Variants in C8A observed in about 807,000 individuals in gnomAD.
C8A encodes the protein complement component C8 alpha chain.
Under a neutral mutation model 65.3 loss-of-function variants are expected in C8A, and 67 were observed. The observed-to-expected ratio is 1.03, with a 90% CI of 0.84 to 1.26. The LOEUF is 1.26. C8A is among the 50% of genes most tolerant of loss of function. The pLI is 0.00. For synonymous variants in C8A, 290 were observed against 259.4 expected, an observed-to-expected ratio of 1.12 and a Z score of -1.13; for missense variants, 781 against 723.9, an observed-to-expected ratio of 1.08 and a Z score of -0.90.
At chr1:56,887,669 A>C (rs1286367393) in intron 7 of C8A, among the ~76,000 whole-genome samples, 1 of 152,174 alleles carries the variant, frequency 6.6e-6, no homozygotes, top group African/African-American at 2.4e-5. Flanking sequence ...TTCTACTATA[A>C]AGACAGATGC....
intron 7 of C8A, among the ~76,000 whole-genome samples, chr1:56,892,657 A>T (rs1376035088): frequency 1.3e-5 from 2 of 152,016 alleles, no homozygotes; most frequent in Non-Finnish European, 2.9e-5. Flanking sequence ...AGCCAAGCAG[A>T]CATGCAGAAT....
intron 4 of C8A, among the ~76,000 whole-genome samples, chr1:56,879,449 A>G (rs186395709): frequency 1.3e-5 from 2 of 152,302 alleles, no homozygotes; most frequent in South Asian, 2.1e-4. Context: ...CTTAGAGGTT[A>G]TATTATACTC....
chr1:56,895,001 C>A (rs1644377856), intron 7 of C8A, among the ~76,000 whole-genome samples: 1 of 152,132 alleles, frequency 6.6e-6, no homozygotes, highest in African/African-American at 2.4e-5. Flanking sequence ...ACACATCTGG[C>A]ATTCAAATTG....
At chr1:56,863,370 G>C (rs1644052727) in intron 1 of C8A, among the ~76,000 whole-genome samples, 6 of 152,124 alleles carry the variant, frequency 3.9e-5, no homozygotes, top group Admixed American at 3.3e-4. Context: ...ACTCTGGCCT[G>C]CGTGATAGCA....
chr1:56,856,432 C>A (rs1207153679), intron 1 of C8A, among the ~76,000 whole-genome samples: 1 of 152,218 alleles, frequency 6.6e-6, no homozygotes, highest in Non-Finnish European at 1.5e-5. Context: ...ACCAGTGCTG[C>A]TGTGTGATTG....
At chr1:56,909,456 C>A (rs1644490347) in intron 9 of C8A, among the ~76,000 whole-genome samples, 1 of 152,170 alleles carries the variant, frequency 6.6e-6, no homozygotes, top group Admixed American at 6.5e-5. Context: ...CATTTTCATG[C>A]AACTGTAATT....
intron 10 of C8A, among the ~76,000 whole-genome samples, chr1:56,916,898 G>A (rs1224581135): frequency 2.6e-5 from 4 of 152,160 alleles, no homozygotes; most frequent in Non-Finnish European, 5.9e-5. Flanking sequence ...CACCCTCTGC[G>A]GCTCCATTGC....
At chr1:56,905,045 C>T (rs1644453350) in intron 7 of C8A, among the ~76,000 whole-genome samples, 1 of 152,124 alleles carries the variant, frequency 6.6e-6, no homozygotes, top group South Asian at 2.1e-4. Context: ...TTGTTTATCA[C>T]TGTTGAAGCA....
intron 7 of C8A, among the ~76,000 whole-genome samples, chr1:56,890,510 T>C (rs1644336319): frequency 6.6e-6 from 1 of 152,164 alleles, no homozygotes; most frequent in Non-Finnish European, 1.5e-5. Context: ...GCGAGATATA[T>C]TGACTTTACT....
chr1:56,909,993 G>C (rs1440610501), intron 9 of C8A, among the ~76,000 whole-genome samples: 1 of 152,170 alleles, frequency 6.6e-6, no homozygotes, highest in Non-Finnish European at 1.5e-5. Flanking sequence ...CCACGGGCAG[G>C]CTTTATAGCA....
In C8A at chr1:56,875,060, C is replaced by G. The variant is rs769032618; in HGVS notation, c.283C>G (p.Gln95Glu). Residue 95 changes from glutamine (Q) to glutamate (E), a missense_variant, in exon 3 of 11, where the codon CAG (glutamine) becomes GAG (glutamate). Physicochemically the swap from Gln to Glu is conservative, Grantham distance 29. Coordinates refer to ENST00000361249, the MANE Select transcript of C8A (RefSeq NM_000562.3). ...TTCTACAACTTGTGTAAGGCAAGCACAGTGTGGACAGGATTTCCAGTGTAA... is the reference window on the plus strand; with the variant it reads ...TTCTACAACTTGTGTAAGGCAAGCAGAGTGTGGACAGGATTTCCAGTGTAA... ...SSSTTCVRQA[Q>E]CGQDFQCKET... 1 of 1,613,536 alleles carries G rather than the reference C, an allele frequency of 6.2e-7. No homozygotes were observed.
At chr1:56,898,184 G>A (rs1476143826) in intron 7 of C8A, among the ~76,000 whole-genome samples, 1 of 152,146 alleles carries the variant, frequency 6.6e-6, no homozygotes, top group Non-Finnish European at 1.5e-5. Context: ...GGAAGGGCTT[G>A]CTGCTGAGGC....
intron 4 of C8A, among the ~76,000 whole-genome samples, chr1:56,881,179 C>G (rs1407386566): frequency 6.6e-6 from 1 of 152,194 alleles, no homozygotes; most frequent in Non-Finnish European, 1.5e-5. Flanking sequence ...GATTGAGAAA[C>G]TGTTACTTGT....
chr1:56,873,449 GC>G (rs1461171413), intron 2 of C8A, among the ~76,000 whole-genome samples: 1 of 152,082 alleles, frequency 6.6e-6, no homozygotes, highest in African/African-American at 2.4e-5. Context: ...GAAAATCTGG[GC>G]CCTGAACCCA....
At chr1:56,891,884 A>C (rs1007039166) in intron 7 of C8A, among the ~76,000 whole-genome samples, 1 of 152,154 alleles carries the variant, frequency 6.6e-6, no homozygotes, top group South Asian at 2.1e-4. Flanking sequence ...AGTGCATATT[A>C]TAATAATTGC....
Position 56,859,715 on chromosome 1 carries a change from C to T in C8A, c.77+4737C>T, listed in dbSNP as rs561932486. On this transcript the variant is annotated intron_variant, in intron 1 of 10. Transcript: ENST00000361249. ...ACTGAACAGATAATGTTTCAACACT[C>T]ATAGGATTTACAGTGTAGCGATGGA... Among the ~76,000 whole-genome samples the T allele has an allele frequency of 4.6e-5, 7 of 152,218 alleles. No individual in the cohort carries two copies. The East Asian group carries it at 1.4e-3, about 29-fold the overall frequency.
chr1:56,886,289 A>G (rs947907917), intron 7 of C8A, 122 bp downstream of exon 7: 2 of 1,106,542 alleles, frequency 1.8e-6, no homozygotes, highest in South Asian at 1.3e-5. Context: ...GGACAACTCT[A>G]TAGGATAGCA....
rs1644539444 is a variant in C8A at position 56,914,926 on chromosome 1, C to T, written c.1603+2301C>T. On this transcript the variant is annotated intron_variant, in intron 10 of 10. Coordinates refer to ENST00000361249, the MANE Select transcript of C8A (RefSeq NM_000562.3). ...CTCCTAGTCTCAAGTGATCTGCCCGCCTCAGCCTCCCAAGGTCCTGGGATT... is the reference window on the plus strand; with the variant it reads ...CTCCTAGTCTCAAGTGATCTGCCCGTCTCAGCCTCCCAAGGTCCTGGGATT... 1.3e-5 allele frequency among the ~76,000 whole-genome samples: 2 copies of T among 152,226 alleles called. 1 individual carries two copies. The highest frequency in any genetic ancestry group is 4.8e-5 in the African/African-American group (2 of 41,456).
chr1:56,872,031 A>G (rs1272684797), intron 2 of C8A, among the ~76,000 whole-genome samples: 1 of 152,200 alleles, frequency 6.6e-6, no homozygotes, highest in African/African-American at 2.4e-5. Flanking sequence ...CATAACATGT[A>G]CAACAGATAT....
Sources: allele counts gnomAD v4.1 joint callset (sites outside exome capture counted in the v4.1 genomes callset), GRCh38; gene constraint gnomAD v4.1.1; transcripts MANE v1.5; gene names NCBI Gene and HGNC (gene_info 2026-07-23, HGNC 2026-07-21).